Variants in SUGCT observed in about 807,000 individuals in gnomAD.
The protein encoded by SUGCT is succinyl-CoA:glutarate-CoA transferase, also known as succinyl-CoA:glutarate CoA-transferase.
Under a neutral mutation model 55.0 loss-of-function variants are expected in SUGCT, and 41 were observed. The ratio of observed to expected loss-of-function variants is 0.74; its 90% CI spans 0.58 to 0.97. SUGCT has a LOEUF of 0.97. Among genes scored for constraint, SUGCT ranks in the 50% least tolerant of loss-of-function variants. The pLI is 0.00. For missense variants in SUGCT, 568 were observed against 547.8 expected (o/e 1.04, Z -0.37); for synonymous variants, 187 against 200.4 (o/e 0.93, Z 0.56).
chr7:40,576,464 C>T (rs916367661), intron 12 of SUGCT, among the ~76,000 whole-genome samples: 5 of 152,186 alleles, frequency 3.3e-5, no homozygotes, highest in Non-Finnish European at 5.9e-5. Flanking sequence ...AAGTCTCTCC[C>T]ATGCGTTGAG....
At position 40,468,686 on chromosome 7, in the gene SUGCT, T is replaced by G. The variant is rs112568864; in HGVS notation, c.986+9488T>G. On this transcript the variant is annotated intron_variant, in intron 11 of 13. Coordinates refer to ENST00000335693, the MANE Select transcript of SUGCT (RefSeq NM_001193313.2). ...AAGATAATTCTTCCTTACACATAGTTTGCTGATTTCAGAGGTTTTACCATT... is the reference window on the plus strand; with the variant it reads ...AAGATAATTCTTCCTTACACATAGTGTGCTGATTTCAGAGGTTTTACCATT... Among the ~76,000 whole-genome samples the G allele has an allele frequency of 9.1e-3, 1,385 of 152,166 alleles. 26 individuals are homozygous for G. The highest frequency in any genetic ancestry group is 0.03 in the African/African-American group (1,258 of 41,496).
the SUGCT span, among the ~76,000 whole-genome samples, chr7:40,899,870 G>A: frequency 2.6e-5 from 4 of 152,192 alleles, no homozygotes; most frequent in East Asian, 5.8e-4. Flanking sequence ...GTATGGCCAT[G>A]TATGTCATTA....
intron 13 of SUGCT, among the ~76,000 whole-genome samples, chr7:40,794,860 A>G (rs577508139): frequency 6.6e-6 from 1 of 152,266 alleles, no homozygotes; most frequent in East Asian, 1.9e-4. Context: ...TGTTCTTTTT[A>G]AAACTTAAGA....
chr7:41,019,452 G>C, the SUGCT span, among the ~76,000 whole-genome samples: 6 of 152,164 alleles, frequency 3.9e-5, no homozygotes, highest in Non-Finnish European at 4.4e-5. Flanking sequence ...GCCAGTTCTT[G>C]AGGTGGTGAT....
chr7:40,413,640 C>T (rs953112674), intron 9 of SUGCT, among the ~76,000 whole-genome samples: 1 of 152,016 alleles, frequency 6.6e-6, no homozygotes, highest in East Asian at 1.9e-4. Flanking sequence ...CAGTATTATA[C>T]AGTAAATAGA....
At chr7:40,936,025 T>C in the SUGCT span, among the ~76,000 whole-genome samples, 1 of 152,170 alleles carries the variant, frequency 6.6e-6, no homozygotes, top group Non-Finnish European at 1.5e-5. Flanking sequence ...ATGTGCTTAT[T>C]AATTATTTGA....
chr7:40,461,751 T>C lies in SUGCT; in HGVS notation c.986+2553T>C, dbSNP rs372283588. On this transcript the variant is annotated intron_variant, in intron 11 of 13. Coordinates refer to ENST00000335693, the MANE Select transcript of SUGCT (RefSeq NM_001193313.2). ...TTATTTCCTAACAAAAGTGTTACAT[T>C]AGCTCATAGCCACAAAAAAGGAGCC... Among the ~76,000 whole-genome samples, 48 of 152,288 alleles carry C rather than the reference T, an allele frequency of 3.2e-4. 3 individuals carry two copies. In the East Asian group the frequency reaches 3.9e-3, roughly 12 times the overall value.
chr7:40,382,465 G>A (rs1415976842), intron 9 of SUGCT, among the ~76,000 whole-genome samples: 1 of 152,118 alleles, frequency 6.6e-6, no homozygotes, highest in Non-Finnish European at 1.5e-5. Context: ...ACTAGTCTTA[G>A]TCAATATCTC....
chr7:40,576,015 C>T (rs1796734482), intron 12 of SUGCT, among the ~76,000 whole-genome samples: 1 of 150,790 alleles, frequency 6.6e-6, no homozygotes, highest in African/African-American at 2.4e-5. Flanking sequence ...GTTGTAAAAA[C>T]TAGACAGTAT....
At chr7:40,978,162 A>G in the SUGCT span, among the ~76,000 whole-genome samples, 3 of 152,168 alleles carry the variant, frequency 2.0e-5, no homozygotes, top group Admixed American at 2.0e-4. Context: ...CCCTTGGAAT[A>G]CAGGCTGGTC....
At chr7:40,995,531 T>G in the SUGCT span, among the ~76,000 whole-genome samples, 3 of 152,212 alleles carry the variant, frequency 2.0e-5, no homozygotes, top group African/African-American at 7.2e-5. Context: ...TATTTCAGAA[T>G]GAATAATGCC....
the SUGCT span, among the ~76,000 whole-genome samples, chr7:40,895,003 A>T: frequency 1.3e-5 from 2 of 152,346 alleles, no homozygotes; most frequent in South Asian, 4.1e-4. Flanking sequence ...ATAAATACAC[A>T]TAAATGTGTA....
chr7:40,730,109 T>C (rs1786817754), intron 12 of SUGCT, among the ~76,000 whole-genome samples: 1 of 152,058 alleles, frequency 6.6e-6, no homozygotes, highest in Non-Finnish European at 1.5e-5. Context: ...ATTCAGATAG[T>C]ATTTTGTTTT....
rs150494515 is a variant in SUGCT, at chr7:40,432,726, C to A, written c.817-16561C>A. On this transcript the variant is annotated intron_variant, in intron 9 of 13. Coordinates refer to ENST00000335693, the MANE Select transcript of SUGCT (RefSeq NM_001193313.2). ...AAAAAAAAAAAAAATCAAAATTCTC[C>A]TTTTGTCTTGGTCTTTGGACAATTT... Among the ~76,000 whole-genome samples, 1,338 of 148,170 alleles carry A rather than the reference C, an allele frequency of 9.0e-3. 9 individuals are homozygous for A. The highest frequency in any genetic ancestry group is 0.017 in the Middle Eastern group (5 of 286).
chr7:40,362,273 G>C (rs892118121), intron 9 of SUGCT, among the ~76,000 whole-genome samples: 2 of 152,062 alleles, frequency 1.3e-5, no homozygotes, highest in Non-Finnish European at 2.9e-5. Context: ...ACAAAAATTA[G>C]CTGGGTGTGG....
chr7:40,659,356 C>T lies in SUGCT; in HGVS notation c.1090-90078C>T, dbSNP rs995401603. Among the ~76,000 whole-genome samples, 7 of 152,224 alleles carry T rather than the reference C, an allele frequency of 4.6e-5. No homozygotes were observed. In the East Asian group the frequency reaches 1.4e-3, roughly 29 times the overall value. ...CAAGGTAGCTCACTTCCATGGCTGGCATCCTGGGGCTCACTATGGGCAGAA... is the reference window on the plus strand; with the variant it reads ...CAAGGTAGCTCACTTCCATGGCTGGTATCCTGGGGCTCACTATGGGCAGAA... On this transcript the variant is annotated intron_variant, in intron 12 of 13. Transcript: ENST00000335693.
chr7:40,995,218 A>G, the SUGCT span, among the ~76,000 whole-genome samples: 3 of 152,172 alleles, frequency 2.0e-5, no homozygotes, highest in Admixed American at 2.0e-4. Context: ...TGCCCAGAGA[A>G]TGACTCTTTC....
At chr7:40,392,637 G>A (rs1372463048) in intron 9 of SUGCT, among the ~76,000 whole-genome samples, 2 of 152,064 alleles carry the variant, frequency 1.3e-5, no homozygotes, top group African/African-American at 4.8e-5. Flanking sequence ...ATACTGACAG[G>A]TTTCACCCAT....
intron 9 of SUGCT, among the ~76,000 whole-genome samples, chr7:40,370,030 A>G (rs1263736494): frequency 6.6e-6 from 1 of 152,120 alleles, no homozygotes; most frequent in East Asian, 1.9e-4. Flanking sequence ...TGTATTAGAG[A>G]AAAATGAGAC....
Sources: gnomAD v4.1 joint callset for allele counts (sites outside exome capture counted in the v4.1 genomes callset) on GRCh38, gnomAD v4.1.1 for gene constraint, MANE v1.5 for transcripts, NCBI Gene and HGNC (gene_info 2026-07-23, HGNC 2026-07-21) for gene names.